Variants in LONP2 observed in about 807,000 individuals in gnomAD.
The protein encoded by LONP2 is lon peptidase 2, peroxisomal.
A neutral mutation model predicts 85.6 loss-of-function variants in LONP2; 60 were observed. The ratio of observed to expected loss-of-function variants is 0.70; its 90% CI spans 0.57 to 0.87. LONP2 has a LOEUF of 0.87. LONP2 is among the 40% of genes least tolerant of loss of function. The pLI, the probability that LONP2 is intolerant of heterozygous loss-of-function variation, is 0.00. For synonymous variants in LONP2, 395 were observed against 389.7 expected, an observed-to-expected ratio of 1.01 and a Z score of -0.16; for missense variants, 860 against 1,063.5, an observed-to-expected ratio of 0.81 and a Z score of 2.66.
chr16:48,330,210 T>C (rs975544050), intron 11 of LONP2, among the ~76,000 whole-genome samples: 4 of 152,262 alleles, frequency 2.6e-5, no homozygotes, highest in African/African-American at 9.6e-5. Flanking sequence ...TAATAGTTTC[T>C]TTTATAGGAG....
chr16:48,252,089 G>A (rs747207426), intron 1 of LONP2, 42 bp from the exon 2 acceptor site: 63 of 1,413,942 alleles, frequency 4.5e-5, no homozygotes, highest in Admixed American at 3.7e-4. Flanking sequence ...CTGTTCTACC[G>A]TATTGAATGT....
chr16:48,272,684 G>A (rs1972129544), intron 7 of LONP2, among the ~76,000 whole-genome samples: 1 of 152,124 alleles, frequency 6.6e-6, no homozygotes, highest in South Asian at 2.1e-4. Flanking sequence ...ATTCTATTCA[G>A]CCTGATTTTA....
At chr16:48,307,722 CA>C (rs1972940652) in intron 11 of LONP2, among the ~76,000 whole-genome samples, 1 of 152,128 alleles carries the variant, frequency 6.6e-6, no homozygotes, top group African/African-American at 2.4e-5. Context: ...AAAATTAATA[CA>C]AATTTAACAG....
chr16:48,254,066 A>G (rs1971706198), intron 2 of LONP2, among the ~76,000 whole-genome samples: 1 of 152,128 alleles, frequency 6.6e-6, no homozygotes, highest in African/African-American at 2.4e-5. Context: ...CCTGTCTCCT[A>G]GTTCTTCTGT....
intron 11 of LONP2, among the ~76,000 whole-genome samples, chr16:48,323,057 A>G (rs937168375): frequency 5.3e-5 from 8 of 152,198 alleles, no homozygotes; most frequent in Admixed American, 1.3e-4. Context: ...TCAAGTTCTA[A>G]ATTGGATTCT....
downstream of LONP2, chr16:48,361,672 T>G (rs1567366111): frequency 6.2e-7 from 1 of 1,613,312 alleles, no homozygotes. Context: ...CAGTCGCTAT[T>G]CATAATGGCT....
intron 11 of LONP2, among the ~76,000 whole-genome samples, chr16:48,316,838 T>G (rs916892211): frequency 2.2e-4 from 33 of 152,218 alleles, no homozygotes; most frequent in Non-Finnish European, 4.6e-4. Flanking sequence ...TCTAGTTTTT[T>G]GTTCTGTTTT....
chr16:48,249,667 G>T (rs1971577699), intron 1 of LONP2, among the ~76,000 whole-genome samples: 2 of 151,848 alleles, frequency 1.3e-5, no homozygotes, highest in African/African-American at 2.4e-5. Context: ...CTTGAGGCCA[G>T]TAGTTGGAGA....
At chr16:48,303,813 A>T (rs886284144) in intron 11 of LONP2, among the ~76,000 whole-genome samples, 6 of 152,222 alleles carry the variant, frequency 3.9e-5, no homozygotes, top group Non-Finnish European at 8.8e-5. Context: ...AAGAACTTCG[A>T]GTCCAATATT....
intron 11 of LONP2, among the ~76,000 whole-genome samples, chr16:48,318,938 C>T (rs1485307224): frequency 1.3e-5 from 2 of 151,794 alleles, no homozygotes; most frequent in Admixed American, 6.6e-5. Flanking sequence ...AAACAGGAAG[C>T]TGGCTCTGCA....
chr16:48,256,845 C>T (rs1164383922), intron 3 of LONP2, 104 bp downstream of exon 3: 6 of 1,047,030 alleles, frequency 5.7e-6, no homozygotes, highest in South Asian at 1.7e-5. Flanking sequence ...TATTGGAGAC[C>T]CAAAGTAATT....
chr16:48,291,954 T>C (rs1455458110), intron 8 of LONP2, among the ~76,000 whole-genome samples: 1 of 152,164 alleles, frequency 6.6e-6, no homozygotes, highest in African/African-American at 2.4e-5. Context: ...CCAGAGATGA[T>C]TGTGAGGGCT....
intron 1 of LONP2, chr16:48,247,542 G>T (rs920154438): frequency 6.6e-6 from 1 of 152,276 alleles, no homozygotes; most frequent in Non-Finnish European, 1.5e-5. Context: ...TAGTGTGCAG[G>T]CATGTTGCCT....
chr16:48,310,258 A>G (rs1185589570), intron 11 of LONP2, among the ~76,000 whole-genome samples: 1 of 151,386 alleles, frequency 6.6e-6, no homozygotes, highest in Admixed American at 6.6e-5. Context: ...ACCAATTTAT[A>G]TCTTTGAAGT....
intron 6 of LONP2, among the ~76,000 whole-genome samples, chr16:48,269,118 A>G (rs1376393740): frequency 6.6e-6 from 1 of 152,138 alleles, no homozygotes; most frequent in African/African-American, 2.4e-5. Context: ...TTGGCTCTAG[A>G]AACAAAGCCT....
chr16:48,310,381 T>G (rs1973005707), intron 11 of LONP2, among the ~76,000 whole-genome samples: 1 of 152,024 alleles, frequency 6.6e-6, no homozygotes, highest in Admixed American at 6.6e-5. Context: ...GTCTTGAGTC[T>G]TGCTCTGTCA....
intron 8 of LONP2, among the ~76,000 whole-genome samples, chr16:48,287,305 AT>A (rs1972465470): frequency 6.6e-6 from 1 of 152,194 alleles, no homozygotes; most frequent in Non-Finnish European, 1.5e-5. Context: ...TTCACATGAA[AT>A]TTTGGATTCT....
chr16:48,292,215 T>G (rs1972570042), intron 8 of LONP2, among the ~76,000 whole-genome samples: 2 of 152,198 alleles, frequency 1.3e-5, no homozygotes, highest in South Asian at 4.1e-4. Context: ...AGCAGAGGGA[T>G]GACTTTGAGT....
At position 48,339,555 on chromosome 16, in the gene LONP2, A is replaced by G. The variant is rs187765131; in HGVS notation, c.1938+5197A>G. On this transcript the variant is annotated intron_variant, in intron 12 of 14. Coordinates refer to ENST00000285737, the MANE Select transcript of LONP2 (RefSeq NM_031490.5). ...AAGAGAATATGGATGTCAAAGGGAG[A>G]ATGTTTTCAAAATAGTAGCTGCTGC... Among the ~76,000 whole-genome samples the G allele has an allele frequency of 4.6e-5, 7 of 152,284 alleles. No homozygotes were observed. In the East Asian group the frequency reaches 1.4e-3, roughly 29 times the overall value.
Sources: gnomAD v4.1 joint callset for allele counts (sites outside exome capture counted in the v4.1 genomes callset) on GRCh38, gnomAD v4.1.1 for gene constraint, MANE v1.5 for transcripts, NCBI Gene and HGNC (gene_info 2026-07-23, HGNC 2026-07-21) for gene names.